The following SPANXN3 variants were observed in gnomAD, a reference collection of about 807,000 sequenced individuals.
SPANXN3 encodes SPANX family member N3.
In SPANXN3, 1 loss-of-function variant was observed where a neutral mutation model predicts 1.9. The ratio of observed to expected loss-of-function variants is 0.54; its 90% CI spans 0.19 to 2.54. The LOEUF is 2.54. SPANXN3 is among the 30% of genes most tolerant of loss of function. The pLI is 0.24. For synonymous variants in SPANXN3, 47 were observed against 40.0 expected (o/e 1.17, Z -0.66); for missense variants, 113 against 96.2 (o/e 1.17, Z -0.73).
intron 1 of SPANXN3, 114 bp downstream of exon 1, chrX:143,517,200 G>A (rs1228865168): frequency 1.4e-4 from 129 of 904,999 alleles, no homozygotes; most frequent in South Asian, 3.7e-4. Flanking sequence ...GGCATTAAGC[G>A]GGTCCCCCAC....
chrX:143,512,860 T>C (rs1929125658), intron 1 of SPANXN3, among the ~76,000 whole-genome samples: 1 of 111,068 alleles, frequency 9.0e-6, no homozygotes, highest in African/African-American at 3.3e-5. Context: ...TCCTTCTCTG[T>C]AGCCCCTTCC....
intron 1 of SPANXN3, among the ~76,000 whole-genome samples, chrX:143,511,549 A>G (rs1388952834): frequency 9.0e-6 from 1 of 111,570 alleles, no homozygotes; most frequent in African/African-American, 3.3e-5. Context: ...TTTAAGGTCT[A>G]TAAGATTAGA....
At position 143,508,784 on chromosome X, in the gene SPANXN3, G is replaced by A; in HGVS notation, c.*31C>T. On this transcript the variant is annotated 3_prime_UTR_variant, in exon 2 of 2. Coordinates refer to ENST00000370503, the MANE Select transcript of SPANXN3 (RefSeq NM_001009609.4). ...TGTAATCATCGCCATCAGTGGTGAT[G>A]ATTTGTCCAATTTGGTTTCTCCATG... 2 of 1,127,468 alleles carry A rather than the reference G, an allele frequency of 1.8e-6. No individual in the cohort carries two copies. Among genetic ancestry groups the A allele is most frequent in the Non-Finnish European group, 2.4e-6 (2 of 826,306 alleles). 92.9% of individuals were successfully genotyped at this position (1,127,468 alleles called of 1,213,427 possible). A position where few individuals can be genotyped will look rare whatever the true frequency, so the allele number is the denominator to read the frequency against.
intron 1 of SPANXN3, among the ~76,000 whole-genome samples, chrX:143,514,965 A>G (rs1298512802): frequency 1.8e-5 from 2 of 111,049 alleles, no homozygotes; most frequent in African/African-American, 3.3e-5. Flanking sequence ...CTCATGTACA[A>G]ATGCCCTTTT....
intron 1 of SPANXN3, chrX:143,509,749 A>G (rs1283304471): frequency 8.5e-6 from 1 of 118,204 alleles, no homozygotes; most frequent in Non-Finnish European, 1.9e-5. Context: ...TAAGTACCCC[A>G]GGCTATAAGC....
At chrX:143,512,351 T>C (rs782300601) in intron 1 of SPANXN3, among the ~76,000 whole-genome samples, 1 of 111,687 alleles carries the variant, frequency 9.0e-6, no homozygotes, top group African/African-American at 3.3e-5. Flanking sequence ...TCAAAACTCC[T>C]CCATTTTCTT....
chrX:143,509,261 G>T, intron 1 of SPANXN3, 99 bp from the exon 2 acceptor site: 2 of 672,252 alleles, frequency 3.0e-6, no homozygotes, highest in Non-Finnish European at 4.6e-6. Flanking sequence ...AATGCAGGTG[G>T]AGGAAGGGGT....
chrX:143,514,662 T>C (rs150722228), intron 1 of SPANXN3, among the ~76,000 whole-genome samples: 10,834 of 110,609 alleles, frequency 0.098, 451 homozygotes, highest in African/African-American at 0.16. Flanking sequence ...CACAGACCAT[T>C]GCTTCTATTC....
chrX:143,512,672 T>C (rs139818597), intron 1 of SPANXN3, among the ~76,000 whole-genome samples: 1 of 111,793 alleles, frequency 8.9e-6, no homozygotes, highest in African/African-American at 3.3e-5. Flanking sequence ...AAATCCGGCT[T>C]ACAGAAGTCT....
chrX:143,515,903 G>A (rs1199251523), intron 1 of SPANXN3, among the ~76,000 whole-genome samples: 2 of 111,437 alleles, frequency 1.8e-5, no homozygotes, highest in Non-Finnish European at 1.9e-5. Flanking sequence ...ACCCTCCCTC[G>A]CCTCATAGCC....
intron 1 of SPANXN3, among the ~76,000 whole-genome samples, chrX:143,512,038 C>A (rs782122477): frequency 2.7e-5 from 3 of 111,308 alleles, no homozygotes; most frequent in African/African-American, 9.8e-5. Flanking sequence ...ATAAAATCCC[C>A]TCTAGGCACA....
intron 1 of SPANXN3, among the ~76,000 whole-genome samples, chrX:143,516,271 G>T (rs1929213538): frequency 8.9e-6 from 1 of 112,260 alleles, no homozygotes; most frequent in Admixed American, 9.4e-5. Context: ...ACCTTCTCAT[G>T]GCTTGCCACC....
At chrX:143,513,297 T>A (rs375580265) in intron 1 of SPANXN3, among the ~76,000 whole-genome samples, 61 of 111,975 alleles carry the variant, frequency 5.4e-4, no homozygotes, top group African/African-American at 1.9e-3. Context: ...ACCAAGCCCG[T>A]TACTTTGTAT....
chrX:143,516,175 G>A (rs188397718), intron 1 of SPANXN3, among the ~76,000 whole-genome samples: 145 of 112,252 alleles, frequency 1.3e-3, no homozygotes, highest in Middle Eastern at 4.6e-3. Flanking sequence ...CTATCAGGCC[G>A]TCAGAGGGGC....
chrX:143,515,218 G>C (rs1186108494), intron 1 of SPANXN3, among the ~76,000 whole-genome samples: 1 of 110,539 alleles, frequency 9.0e-6, no homozygotes, highest in African/African-American at 3.3e-5. Flanking sequence ...TAACTACTCC[G>C]ACTGGGGCAA....
At chrX:143,514,826 C>A (rs1929175900) in intron 1 of SPANXN3, among the ~76,000 whole-genome samples, 1 of 111,428 alleles carries the variant, frequency 9.0e-6, no homozygotes, top group Non-Finnish European at 1.9e-5. Context: ...TTCAGGGAAA[C>A]TTTTTTAGAA....
At position 143,508,808 on chromosome X, in the gene SPANXN3, T is replaced by C. The variant is rs782076823; in HGVS notation, c.*7A>G. ...TGATTTGTCCAATTTGGTTTCTCCATGTGTGACTAATCCTCCCCACTGTCC... is the reference window on the plus strand; with the variant it reads ...TGATTTGTCCAATTTGGTTTCTCCACGTGTGACTAATCCTCCCCACTGTCC... On this transcript the variant is annotated 3_prime_UTR_variant, in exon 2 of 2. Transcript: ENST00000370503. 2.5e-6 allele frequency: 3 copies of C among 1,193,786 alleles called. No individual in the cohort carries two copies. In the African/African-American group the frequency reaches 5.3e-5, roughly 21 times the overall value.
chrX:143,509,917 T>C (rs782482912), intron 1 of SPANXN3, among the ~76,000 whole-genome samples: 1 of 110,930 alleles, frequency 9.0e-6, no homozygotes. Flanking sequence ...AGGACGGTGA[T>C]TGGGTTCTAA....
At chrX:143,511,838 C>T (rs1422116611) in intron 1 of SPANXN3, among the ~76,000 whole-genome samples, 2 of 111,272 alleles carry the variant, frequency 1.8e-5, no homozygotes, top group African/African-American at 6.5e-5. Flanking sequence ...CCACCTGTAC[C>T]TGAAGACAGG....
Sources: allele counts gnomAD v4.1 joint callset (sites outside exome capture counted in the v4.1 genomes callset), GRCh38; gene constraint gnomAD v4.1.1; transcripts MANE v1.5; gene names NCBI Gene and HGNC (gene_info 2026-07-23, HGNC 2026-07-21).